The following ECD variants were observed in gnomAD, a reference collection of about 807,000 sequenced individuals.
The protein encoded by ECD is ecdysoneless cell cycle regulator.
In ECD, 59 loss-of-function variants were observed where a neutral mutation model predicts 77.2. The observed-to-expected ratio is 0.76, with a 90% CI of 0.62 to 0.95. ECD has a LOEUF of 0.95. Ranked by LOEUF, ECD falls within the 40% of genes least tolerant of loss-of-function variation. The pLI, the probability that ECD is intolerant of heterozygous loss-of-function variation, is 0.00. For missense variants in ECD, 704 were observed against 763.4 expected (o/e 0.92, Z 0.92); for synonymous variants, 233 against 267.4 (o/e 0.87, Z 1.26).
chr10:73,163,732 C>T lies in ECD; in HGVS notation c.205+1G>A, dbSNP rs1376880553. On this transcript the variant is annotated splice_donor_variant, in intron 2 of 13. Coordinates refer to ENST00000372979, the MANE Select transcript of ECD (RefSeq NM_007265.3). LOFTEE classifies it high-confidence loss of function. ...AATCCAAACAAGTAAAAGAGCCTTA[C>T]CTTTCCCAGGTTTATATTTAAGATT... 1.2e-6 allele frequency: 2 copies of T among 1,613,684 alleles called. No individual in the cohort carries two copies. Among genetic ancestry groups the T allele is most frequent in the South Asian group, 1.1e-5 (1 of 91,068 alleles).
chr10:73,166,729 T>A (rs542503512), intron 1 of ECD, among the ~76,000 whole-genome samples: 1 of 152,324 alleles, frequency 6.6e-6, no homozygotes, highest in East Asian at 1.9e-4. Context: ...GTCAGATGGG[T>A]AGTTTGCAAA....
Position 73,134,779 on chromosome 10 carries a change from T to A in ECD, c.1739A>T (p.Asp580Val). 3 of 1,614,144 alleles carry A rather than the reference T, an allele frequency of 1.9e-6. No homozygotes were observed. Among genetic ancestry groups the A allele is most frequent in the Non-Finnish European group, 2.5e-6 (3 of 1,180,030 alleles). ...PVSQTTDNNS[D>V]EEDSGTGESV... ...TTCTCCCGTACCAGAATCTTCCTCA[T>A]CTGAATTGTTATCGGTAGTCTGGGA... is the stretch of plus-strand genomic sequence containing the variant. Residue 580 changes from aspartate (D) to valine (V), a missense_variant, in exon 14 of 14, where the codon GAT (aspartate) becomes GTT (valine). Coordinates refer to ENST00000372979, the MANE Select transcript of ECD (RefSeq NM_007265.3).
In ECD at chr10:73,161,634, C is replaced by T. The variant is rs1350066992; in HGVS notation, c.206-1083G>A. Among the ~76,000 whole-genome samples the T allele has an allele frequency of 2.6e-5, 4 of 152,142 alleles. No individual in the cohort carries two copies. In the East Asian group the frequency reaches 7.7e-4, roughly 29 times the overall value. ...AACATTTAAAGAATTTGACACCAAT[C>T]CTCCTCAAAATCTTCCAAAAAAATA... is the stretch of plus-strand genomic sequence containing the variant. On this transcript the variant is annotated intron_variant, in intron 2 of 13. Coordinates refer to ENST00000372979, the MANE Select transcript of ECD (RefSeq NM_007265.3).
At chr10:73,136,952 G>T in intron 12 of ECD, 34 bp from the exon 13 acceptor site, 1 of 1,140,786 alleles carries the variant, frequency 8.8e-7, no homozygotes, top group East Asian at 2.9e-5. Flanking sequence ...GAGCCACTTA[G>T]TAATTATTAT....
At chr10:73,147,503 T>C (rs1302377416) in intron 8 of ECD, among the ~76,000 whole-genome samples, 1 of 151,994 alleles carries the variant, frequency 6.6e-6, no homozygotes, top group African/African-American at 2.4e-5. Flanking sequence ...TGAGCCAAGA[T>C]TGTGCCATTG....
Position 73,148,346 on chromosome 10 carries a change from T to C in ECD, c.971A>G (p.Lys324Arg). Residue 324 changes from lysine (K) to arginine (R), a missense_variant, in exon 8 of 14, where the codon AAA (lysine) becomes AGA (arginine). Physicochemically the swap from Lys to Arg is conservative, Grantham distance 26. Transcript: ENST00000372979. ...KCSPHFSDCK[K>R]SLVTASPLWA... Reference sequence around the variant, plus strand: ...GAGTGGTGAGGCAGTCACAAGGGATTTCTTGCAGTCAGAAAAATGTGGGCT... The same window carrying C: ...GAGTGGTGAGGCAGTCACAAGGGATCTCTTGCAGTCAGAAAAATGTGGGCT... The C allele has an allele frequency of 6.2e-7, 1 of 1,613,990 alleles. No homozygotes were observed. The highest frequency in any genetic ancestry group is 1.1e-5 in the South Asian group (1 of 91,040).
intron 9 of ECD, among the ~76,000 whole-genome samples, chr10:73,144,908 A>C (rs1294492361): frequency 6.6e-6 from 1 of 152,204 alleles, no homozygotes; most frequent in East Asian, 1.9e-4. Flanking sequence ...GGAATAACTA[A>C]AAATATTCCC....
chr10:73,149,806 T>C (rs1843179649), intron 7 of ECD, among the ~76,000 whole-genome samples: 1 of 152,228 alleles, frequency 6.6e-6, no homozygotes. Context: ...TTTATATTCC[T>C]ATCAACAATG....
At chr10:73,165,199 C>T (rs1475719428) in intron 1 of ECD, among the ~76,000 whole-genome samples, 1 of 152,148 alleles carries the variant, frequency 6.6e-6, no homozygotes, top group Non-Finnish European at 1.5e-5. Flanking sequence ...ACAGAATGTA[C>T]ATCTCTCTCT....
At chr10:73,165,622 T>TG (rs1398642495) in intron 1 of ECD, among the ~76,000 whole-genome samples, 1 of 152,036 alleles carries the variant, frequency 6.6e-6, no homozygotes, top group East Asian at 1.9e-4. Context: ...AGTGCTGTTT[T>TG]TTTTTTTTAA....
At chr10:73,136,181 T>A (rs556154886) in intron 13 of ECD, among the ~76,000 whole-genome samples, 3 of 152,294 alleles carry the variant, frequency 2.0e-5, no homozygotes, top group Admixed American at 2.0e-4. Flanking sequence ...AAAACTAGGA[T>A]GAAAACATAA....
chr10:73,151,533 A>T (rs1843206611), intron 7 of ECD, among the ~76,000 whole-genome samples: 1 of 152,266 alleles, frequency 6.6e-6, no homozygotes, highest in African/African-American at 2.4e-5. Flanking sequence ...TAATAATAAA[A>T]AAAAAAAGAA....
chr10:73,149,010 C>T (rs930670416), intron 7 of ECD, among the ~76,000 whole-genome samples: 16 of 152,060 alleles, frequency 1.1e-4, no homozygotes, highest in Non-Finnish European at 5.9e-5. Flanking sequence ...GCTCAATGGA[C>T]GCATACACAC....
chr10:73,138,027 G>T lies in ECD; in HGVS notation c.1465C>A (p.Leu489Ile). 6.3e-7 allele frequency: 1 copy of T among 1,596,456 alleles called. No individual in the cohort carries two copies. Among genetic ancestry groups the T allele is most frequent in the South Asian group, 1.1e-5 (1 of 86,972 alleles). The change falls in exon 12 of 14, where the codon CTT (leucine) becomes ATT (isoleucine). Residue 489 changes from leucine (L) to isoleucine (I), a missense_variant. Leu to Ile is a conservative substitution (Grantham distance 5). Around this residue, in one of 3 missense-constraint regions of ECD, gnomAD observed 559 missense variants for 583.7 expected, o/e 0.96. Transcript: ENST00000372979. ...APITFDADSF[L>I]NYFDKILGPR... The stretch of plus-strand genomic sequence containing the variant: ...CCTAAAATCTTATCAAAATAATTAA[G>T]AAAAGAATCTGCATCAAAAGTGATT...
At position 73,136,571 on chromosome 10, in the gene ECD, G is replaced by A. The variant is rs60938534; in HGVS notation, c.1704+133C>T. The A allele has an allele frequency of 6.2e-6, 5 of 806,646 alleles. No individual in the cohort carries two copies. In the East Asian group the frequency reaches 1.3e-4, roughly 22 times the overall value. 50.0% of individuals were successfully genotyped at this position (806,646 alleles called of 1,614,324 possible). On this transcript the variant is annotated intron_variant, in intron 13 of 13. Transcript: ENST00000372979. ...GTCTATGATCCTTTATCCTACCAGAGTTAGGAAAACAATTAACATTCTTAT... is the reference window on the plus strand; with the variant it reads ...GTCTATGATCCTTTATCCTACCAGAATTAGGAAAACAATTAACATTCTTAT...
rs1318018666 is a variant in ECD at position 73,139,619 on chromosome 10, T to C, written c.1234+12A>G. 6.2e-7 allele frequency: 1 copy of C among 1,600,312 alleles called. No individual in the cohort carries two copies. The highest frequency in any genetic ancestry group is 1.3e-5 in the African/African-American group (1 of 74,140). ...TTTTAACCCTTCCACTGTATCCTGG[T>C]CCATCACTTACCATCCTCTGGGGGA... On this transcript the variant is annotated intron_variant, in intron 10 of 13. Transcript: ENST00000372979.
chr10:73,164,950 C>T (rs1389146142), intron 1 of ECD, among the ~76,000 whole-genome samples: 2 of 152,038 alleles, frequency 1.3e-5, no homozygotes, highest in African/African-American at 2.4e-5. Context: ...TTAATGTTTG[C>T]CCTTGTACTA....
intron 13 of ECD, among the ~76,000 whole-genome samples, chr10:73,136,496 A>G (rs1360365830): frequency 6.6e-6 from 1 of 152,210 alleles, no homozygotes; most frequent in Non-Finnish European, 1.5e-5. Context: ...AAATCCTGAT[A>G]GATAACGTAG....
chr10:73,156,469 T>C lies in ECD; in HGVS notation c.412-16A>G. The C allele has an allele frequency of 1.2e-6, 2 of 1,608,974 alleles. No homozygotes were observed. Among genetic ancestry groups the C allele is most frequent in the Non-Finnish European group, 1.7e-6 (2 of 1,177,284 alleles). ...AGAAAAATACCTGCAAACGGTACATTTCAATTTTCACAGTGGGCACTGGCA... is the reference window on the plus strand; with the variant it reads ...AGAAAAATACCTGCAAACGGTACATCTCAATTTTCACAGTGGGCACTGGCA... On this transcript the variant is annotated splice_polypyrimidine_tract_variant and intron_variant, in intron 4 of 13. Coordinates refer to ENST00000372979, the MANE Select transcript of ECD (RefSeq NM_007265.3).
Sources: allele counts gnomAD v4.1 joint callset (sites outside exome capture counted in the v4.1 genomes callset), GRCh38; gene constraint gnomAD v4.1.1; regional missense constraint gnomAD v4.1.1; transcripts MANE v1.5; gene names NCBI Gene and HGNC (gene_info 2026-07-23, HGNC 2026-07-21).